Variants in SLC6A11 observed in about 807,000 individuals in gnomAD.
SLC6A11 encodes sodium- and chloride-dependent GABA transporter 3.
A neutral mutation model predicts 74.8 loss-of-function variants in SLC6A11; 25 were observed. The observed-to-expected ratio is 0.33, with a 90% CI of 0.24 to 0.47. The LOEUF is 0.47. SLC6A11 is among the 20% of genes least tolerant of loss of function. SLC6A11 has a pLI of 1.00. For synonymous variants in SLC6A11, 330 were observed against 330.2 expected (o/e 1.00, Z 0.01); for missense variants, 574 against 837.0 (o/e 0.69, Z 3.88).
intron 4 of SLC6A11, 44 bp downstream of exon 4, chr3:10,823,436 G>C (rs1346853569): frequency 7.6e-7 from 1 of 1,318,982 alleles, no homozygotes; most frequent in South Asian, 1.2e-5. Flanking sequence ...TGGGGGCTCT[G>C]TCCTGGTTCT....
intron 1 of SLC6A11, among the ~76,000 whole-genome samples, chr3:10,818,025 C>T (rs1694086163): frequency 6.7e-6 from 1 of 149,980 alleles, no homozygotes; most frequent in African/African-American, 2.5e-5. Flanking sequence ...TTCATAAAAG[C>T]AGAAAACACG....
intron 8 of SLC6A11, among the ~76,000 whole-genome samples, chr3:10,923,361 A>G (rs1045911628): frequency 6.6e-5 from 10 of 152,136 alleles, no homozygotes; most frequent in African/African-American, 2.2e-4. Context: ...GGAAGTGCTC[A>G]GAAAGAAAGG....
rs573310018 is a variant in SLC6A11, at chr3:10,909,373, A to G, written c.892-2717A>G. Among the ~76,000 whole-genome samples the G allele has an allele frequency of 3.4e-5, 5 of 147,222 alleles. No homozygotes were observed. In the South Asian group the frequency reaches 7.0e-4, roughly 21 times the overall value. On this transcript the variant is annotated intron_variant, in intron 6 of 13. Coordinates refer to ENST00000254488, the MANE Select transcript of SLC6A11 (RefSeq NM_014229.3). ...TTGATGTGCCCAAAGAGCAAATTGG[A>G]AAAAAAAAATACCTGCAAGTGAAAA...
At chr3:10,936,144 G>T (rs1327135952) in intron 13 of SLC6A11, among the ~76,000 whole-genome samples, 1 of 152,212 alleles carries the variant, frequency 6.6e-6, no homozygotes, top group East Asian at 1.9e-4. Flanking sequence ...GGTGTTTGTT[G>T]TGTGCCAGAA....
intron 5 of SLC6A11, among the ~76,000 whole-genome samples, chr3:10,850,263 T>C (rs909879311): frequency 2.6e-5 from 4 of 152,210 alleles, no homozygotes; most frequent in Non-Finnish European, 5.9e-5. Context: ...AAAGGATCCT[T>C]AAAAATTTCA....
chr3:10,884,302 T>C (rs910568320), intron 6 of SLC6A11, among the ~76,000 whole-genome samples: 1 of 152,236 alleles, frequency 6.6e-6, no homozygotes, highest in African/African-American at 2.4e-5. Context: ...GCTGACTTTA[T>C]GCCAGGTACT....
chr3:10,897,300 G>A (rs902408858), intron 6 of SLC6A11, among the ~76,000 whole-genome samples: 5 of 152,046 alleles, frequency 3.3e-5, no homozygotes, highest in Admixed American at 6.6e-5. Flanking sequence ...CTTCCCAACA[G>A]TCCCCCAAAG....
At chr3:10,821,831 A>C (rs1694142209) in intron 3 of SLC6A11, among the ~76,000 whole-genome samples, 1 of 152,110 alleles carries the variant, frequency 6.6e-6, no homozygotes. Context: ...TAGGAAGAAA[A>C]AATAATTGAG....
intron 9 of SLC6A11, among the ~76,000 whole-genome samples, chr3:10,927,133 T>C (rs1407140421): frequency 6.6e-6 from 1 of 152,212 alleles, no homozygotes; most frequent in Non-Finnish European, 1.5e-5. Flanking sequence ...CCAATTCAAT[T>C]TCTTCCTCTG....
rs143166573 is a variant in SLC6A11, at chr3:10,877,238, G to A, written c.891+2143G>A. Among the ~76,000 whole-genome samples, 557 of 152,302 alleles carry A rather than the reference G, an allele frequency of 3.7e-3. 5 individuals carry two copies. Among genetic ancestry groups the A allele is most frequent in the African/African-American group, 0.013 (527 of 41,572 alleles). On this transcript the variant is annotated intron_variant, in intron 6 of 13. Coordinates refer to ENST00000254488, the MANE Select transcript of SLC6A11 (RefSeq NM_014229.3). The stretch of plus-strand genomic sequence containing the variant: ...CAGAAACCCTATGGACCCCTGTGTC[G>A]GGGGGTGGTCCCAAGATTACCTACA...
At chr3:10,907,926 G>A (rs1695331933) in intron 6 of SLC6A11, among the ~76,000 whole-genome samples, 1 of 152,184 alleles carries the variant, frequency 6.6e-6, no homozygotes, top group South Asian at 2.1e-4. Context: ...TAAGGGCTGG[G>A]GGTGATTGTT....
chr3:10,873,714 T>TATCCTATCCTATCCC (rs1439704588), intron 5 of SLC6A11, among the ~76,000 whole-genome samples: 6 of 149,502 alleles, frequency 4.0e-5, no homozygotes, highest in Non-Finnish European at 8.9e-5. Flanking sequence ...TATCCTATCC[T>TATCCTATCCTATCCC]ATCCTATCCT....
At chr3:10,917,230 A>T (rs1406568142) in intron 7 of SLC6A11, among the ~76,000 whole-genome samples, 1 of 152,212 alleles carries the variant, frequency 6.6e-6, no homozygotes, top group East Asian at 1.9e-4. Context: ...GGTAAAGCTA[A>T]CTTTATCAGA....
At chr3:10,893,965 C>T (rs550209535) in intron 6 of SLC6A11, among the ~76,000 whole-genome samples, 6 of 152,278 alleles carry the variant, frequency 3.9e-5, no homozygotes, top group South Asian at 4.1e-4. Flanking sequence ...CCTGAAAAAT[C>T]GCTGAGGGAA....
intron 8 of SLC6A11, among the ~76,000 whole-genome samples, chr3:10,923,732 TCCTG>T (rs1559584786): frequency 6.6e-6 from 1 of 152,142 alleles, no homozygotes; most frequent in Non-Finnish European, 1.5e-5. Context: ...AAATATTTCC[TCCTG>T]CAGGAGCGTT....
At chr3:10,829,112 G>A (rs574109418) in intron 4 of SLC6A11, among the ~76,000 whole-genome samples, 5 of 152,340 alleles carry the variant, frequency 3.3e-5, no homozygotes, top group Admixed American at 6.5e-5. Context: ...CCTGTAGGAA[G>A]CCCAGCCCAT....
chr3:10,843,558 G>A (rs1247153102), intron 4 of SLC6A11, among the ~76,000 whole-genome samples: 2 of 152,188 alleles, frequency 1.3e-5, no homozygotes, highest in East Asian at 1.9e-4. Flanking sequence ...GTAGCAGTCA[G>A]GATAGGTTGG....
At chr3:10,901,823 T>C (rs756436070) in intron 6 of SLC6A11, among the ~76,000 whole-genome samples, 52 of 152,210 alleles carry the variant, frequency 3.4e-4, no homozygotes, top group Non-Finnish European at 5.6e-4. Flanking sequence ...CAGAGGAGGC[T>C]GAGAAAGAGG....
chr3:10,879,765 A>G (rs1377697556), intron 6 of SLC6A11, among the ~76,000 whole-genome samples: 1 of 152,196 alleles, frequency 6.6e-6, no homozygotes, highest in African/African-American at 2.4e-5. Context: ...ACATACACAT[A>G]TATACATACA....
Sources: gnomAD v4.1 joint callset for allele counts (sites outside exome capture counted in the v4.1 genomes callset) on GRCh38, gnomAD v4.1.1 for gene constraint, MANE v1.5 for transcripts, NCBI Gene and HGNC (gene_info 2026-07-23, HGNC 2026-07-21) for gene names.